The following CSMD2 variants were observed in gnomAD, a reference collection of about 807,000 sequenced individuals.
The protein encoded by CSMD2 is CUB and sushi domain-containing protein 2.
CSMD2 carries 130 observed loss-of-function variants against 398.5 expected under a neutral mutation model. The observed-to-expected ratio is 0.33, with a 90% CI of 0.28 to 0.38. The LOEUF (loss-of-function observed/expected upper bound fraction) is 0.38. CSMD2 is among the 10% of genes least tolerant of loss of function. The pLI is 1.00. For synonymous variants in CSMD2, 1,828 were observed against 1,908.5 expected (o/e 0.96, Z 1.10); for missense variants, 3,829 against 4,764.9 (o/e 0.80, Z 5.78).
intron 2 of CSMD2, among the ~76,000 whole-genome samples, chr1:34,040,533 G>A (rs975094057): frequency 6.6e-6 from 1 of 152,232 alleles, no homozygotes; most frequent in Non-Finnish European, 1.5e-5. Flanking sequence ...GGCTGAGTTT[G>A]TGTTGCTCAC....
At position 33,876,557 on chromosome 1, in the gene CSMD2, T is replaced by G. The variant is rs1326535418; in HGVS notation, c.921-29561A>C. On this transcript the variant is annotated intron_variant, in intron 5 of 70. Coordinates refer to ENST00000373381, the MANE Select transcript of CSMD2 (RefSeq NM_001281956.2). ...CTGTTCTAAGTCCCTCGCATGTATT[T>G]ACTCATCTATTACAGCAACCCTTTA... Among the ~76,000 whole-genome samples the G allele has an allele frequency of 2.6e-5, 4 of 152,252 alleles. No homozygotes were observed. The East Asian group carries it at 5.8e-4, about 22-fold the overall frequency.
At chr1:33,756,463 T>G (rs1649033578) in intron 13 of CSMD2, among the ~76,000 whole-genome samples, 1 of 152,194 alleles carries the variant, frequency 6.6e-6, no homozygotes, top group Admixed American at 6.5e-5. Context: ...GGGCTGCTTT[T>G]AATAAGGCAG....
intron 12 of CSMD2, among the ~76,000 whole-genome samples, chr1:33,783,467 CT>C (rs1653083911): frequency 1.5e-5 from 2 of 137,006 alleles, no homozygotes; most frequent in Admixed American, 7.1e-5. Context: ...CTCTCTCTCT[CT>C]CTCTCTCCTG....
At position 34,033,472 on chromosome 1, in the gene CSMD2, C is replaced by T. The variant is rs528563535; in HGVS notation, c.405-766G>A. Among the ~76,000 whole-genome samples the T allele has an allele frequency of 4.6e-5, 7 of 152,282 alleles. No homozygotes were observed. The South Asian group carries it at 1.2e-3, about 27-fold the overall frequency. On this transcript the variant is annotated intron_variant, in intron 2 of 70. Coordinates refer to ENST00000373381, the MANE Select transcript of CSMD2 (RefSeq NM_001281956.2). ...ACAAGATAATCATTTTTAAAGATTCCTCTAAGGGAAAAAGATACCACTGAA... is the reference window on the plus strand; with the variant it reads ...ACAAGATAATCATTTTTAAAGATTCTTCTAAGGGAAAAAGATACCACTGAA...
intron 4 of CSMD2, 22 bp downstream of exon 4, chr1:33,935,738 A>G: frequency 6.3e-7 from 1 of 1,581,206 alleles, no homozygotes; most frequent in South Asian, 1.2e-5. Flanking sequence ...CCACTCTGTC[A>G]GACCCCTTGC....
intron 7 of CSMD2, among the ~76,000 whole-genome samples, chr1:33,824,064 A>C (rs1023953973): frequency 3.3e-5 from 5 of 152,146 alleles, no homozygotes; most frequent in Admixed American, 6.5e-5. Context: ...TTGCATCCCC[A>C]TTCTACAGAT....
intron 42 of CSMD2, among the ~76,000 whole-genome samples, chr1:33,604,538 G>A (rs1640453044): frequency 6.6e-6 from 1 of 152,050 alleles, no homozygotes; most frequent in African/African-American, 2.4e-5. Context: ...TTGGAGCCTG[G>A]GGTGATCTGA....
Position 33,571,626 on chromosome 1 carries a change from G to C in CSMD2, c.7863C>G (p.Ile2621Met). The change falls in exon 51 of 71, where the codon ATC (isoleucine) becomes ATG (methionine). Residue 2621 changes from isoleucine (I) to methionine (M), a missense_variant. This residue lies in a region of CSMD2 where 723 missense variants were observed against 758.6 expected (regional missense o/e 0.95). Coordinates refer to ENST00000373381, the MANE Select transcript of CSMD2 (RefSeq NM_001281956.2). ...CAGTATAGTAGTAGCCAGGGTCACA[G>C]ATGAGCATCAGCTGGGCCTGGAACT... ...QYQFQAQLML[I>M]CDPGYYYTGQ... 6.3e-7 allele frequency: 1 copy of C among 1,591,728 alleles called. No homozygotes were observed. The highest frequency in any genetic ancestry group is 1.7e-4 in the Middle Eastern group (1 of 5,720).
intron 3 of CSMD2, among the ~76,000 whole-genome samples, chr1:33,959,429 G>T (rs1247542115): frequency 6.6e-6 from 1 of 152,174 alleles, no homozygotes; most frequent in Non-Finnish European, 1.5e-5. Context: ...AGTCCTCCCT[G>T]TGACCTCAGA....
intron 5 of CSMD2, among the ~76,000 whole-genome samples, chr1:33,858,370 C>A (rs577944188): frequency 2.4e-4 from 36 of 152,120 alleles, no homozygotes; most frequent in Non-Finnish European, 5.3e-4. Flanking sequence ...TGGCCTTGTT[C>A]CTTCCCAGTT....
At chr1:33,566,986 A>G (rs1659109157) in intron 53 of CSMD2, among the ~76,000 whole-genome samples, 1 of 152,208 alleles carries the variant, frequency 6.6e-6, no homozygotes, top group Non-Finnish European at 1.5e-5. Context: ...TCAAGTGCAC[A>G]TGGGACATTC....
chr1:33,833,632 C>G lies in CSMD2; in HGVS notation c.1034-7858G>C, dbSNP rs368517141. On this transcript the variant is annotated intron_variant, in intron 6 of 70. Transcript: ENST00000373381. ...TCTCTCACCACTCCTATTCAACATA[C>G]TGTTGGAAGTTCTGGCCAGGGCAAT... 2.5e-3 allele frequency among the ~76,000 whole-genome samples: 367 copies of G among 149,112 alleles called. 1 individual carries two copies. Among genetic ancestry groups the G allele is most frequent in the African/African-American group, 8.2e-3 (328 of 40,184 alleles).
At chr1:33,990,750 T>C (rs1421164634) in intron 3 of CSMD2, among the ~76,000 whole-genome samples, 1 of 152,220 alleles carries the variant, frequency 6.6e-6, no homozygotes, top group East Asian at 1.9e-4. Flanking sequence ...ATTTAAACAG[T>C]GCCAGCCTTA....
At chr1:34,007,474 A>C (rs1010825563) in intron 3 of CSMD2, among the ~76,000 whole-genome samples, 23 of 152,168 alleles carry the variant, frequency 1.5e-4, no homozygotes, top group Admixed American at 1.2e-3. Flanking sequence ...TAAAATTGTT[A>C]ATATTCAGTG....
chr1:33,827,797 T>C (rs948786810), intron 6 of CSMD2, among the ~76,000 whole-genome samples: 1 of 152,192 alleles, frequency 6.6e-6, no homozygotes, highest in African/African-American at 2.4e-5. Context: ...TTGCTGTAAG[T>C]CACACAGCCA....
At chr1:34,073,497 G>A (rs547143976) in intron 2 of CSMD2, among the ~76,000 whole-genome samples, 92 of 152,284 alleles carry the variant, frequency 6.0e-4, no homozygotes, top group Non-Finnish European at 1.2e-3. Flanking sequence ...TGTTAACAGC[G>A]GTTACCTCTA....
chr1:33,649,908 C>T (rs936427066), intron 28 of CSMD2, among the ~76,000 whole-genome samples: 8 of 152,086 alleles, frequency 5.3e-5, no homozygotes, highest in Non-Finnish European at 5.9e-5. Flanking sequence ...CTGGGAGGCA[C>T]GGGGCACAGA....
In CSMD2 at chr1:33,819,742, G is replaced by A; in HGVS notation, c.1295C>T (p.Ala432Val). ...TCMKVSDMFAAWSDHRPVCRA... is the reference protein window; with the variant it reads ...TCMKVSDMFAVWSDHRPVCRA... ...GCAGACTGGCCTGTGGTCGCTCCAG[G>A]CCGCAAACATGTCGCTCACTTTCAT... Residue 432 changes from alanine (A) to valine (V), a missense_variant, in exon 9 of 71, where the codon GCC becomes GTC. Transcript: ENST00000373381. The A allele has an allele frequency of 6.2e-7, 1 of 1,613,860 alleles. No homozygotes were observed. The highest frequency in any genetic ancestry group is 8.5e-7 in the Non-Finnish European group (1 of 1,179,992).
intron 10 of CSMD2, among the ~76,000 whole-genome samples, chr1:33,799,457 T>C (rs1655337522): frequency 6.6e-6 from 1 of 152,172 alleles, no homozygotes; most frequent in African/African-American, 2.4e-5. Flanking sequence ...TTTGATCTAG[T>C]TCATAATTTG....
Sources: gnomAD v4.1 joint callset for allele counts (sites outside exome capture counted in the v4.1 genomes callset) on GRCh38, gnomAD v4.1.1 for gene constraint, gnomAD v4.1.1 regional missense constraint, MANE v1.5 for transcripts, NCBI Gene and HGNC (gene_info 2026-07-23, HGNC 2026-07-21) for gene names.